TSNARE1: variants seen among roughly 807,000 people sequenced by gnomAD.
The protein encoded by TSNARE1 is t-SNARE domain-containing protein 1.
A neutral mutation model predicts 62.0 loss-of-function variants in TSNARE1; 49 were observed. The ratio of observed to expected loss-of-function variants is 0.79; its 90% CI spans 0.63 to 1.00. TSNARE1 has a LOEUF of 1.00. Among genes scored for constraint, TSNARE1 ranks in the 50% least tolerant of loss-of-function variants. TSNARE1 has a pLI of 0.00. For missense variants in TSNARE1, 755 were observed against 700.1 expected (o/e 1.08, Z -0.88); for synonymous variants, 328 against 294.4 (o/e 1.11, Z -1.17).
chr8:142,349,792 T>C (rs576299660), intron 2 of TSNARE1, among the ~76,000 whole-genome samples: 11 of 152,314 alleles, frequency 7.2e-5, no homozygotes, highest in African/African-American at 2.6e-4. Context: ...GCCGGAGGTC[T>C]CTTCTCACCT....
At chr8:142,297,225 G>T (rs996655761) in intron 10 of TSNARE1, among the ~76,000 whole-genome samples, 4 of 152,228 alleles carry the variant, frequency 2.6e-5, no homozygotes, top group African/African-American at 7.2e-5. Context: ...GGGATGCTGG[G>T]CGTGGCCATC....
At chr8:142,255,760 A>G (rs1375270553) in intron 12 of TSNARE1, among the ~76,000 whole-genome samples, 1 of 93,698 alleles carries the variant, frequency 1.1e-5, no homozygotes, top group Non-Finnish European at 2.5e-5. Flanking sequence ...CACCACCACC[A>G]TCACCATCAC....
At chr8:142,306,387 C>T (rs952635542) in intron 9 of TSNARE1, among the ~76,000 whole-genome samples, 1 of 152,212 alleles carries the variant, frequency 6.6e-6, no homozygotes, top group Non-Finnish European at 1.5e-5. Context: ...GCTGAGGTGG[C>T]CAGTGACGGC....
Position 142,319,464 on chromosome 8 carries a change from C to T in TSNARE1, c.894-830G>A, listed in dbSNP as rs1401896765. On this transcript the variant is annotated intron_variant, in intron 6 of 13. Coordinates refer to ENST00000524325, the MANE Select transcript of TSNARE1 (RefSeq NM_145003.5). This position sits in a 1 kb window ranked among gnomAD's most constrained non-coding sequence, Gnocchi z 4.9. ...CAACTGGGAAGACCAGCCCGTCTCC[C>T]GCTTGGGGTTCGCCACCCCCATCCC... is the stretch of plus-strand genomic sequence containing the variant. 1.3e-5 allele frequency among the ~76,000 whole-genome samples: 2 copies of T among 152,054 alleles called. No individual in the cohort carries two copies. The highest frequency in any genetic ancestry group is 2.4e-5 in the African/African-American group (1 of 41,416).
intron 7 of TSNARE1, among the ~76,000 whole-genome samples, chr8:142,318,200 G>A (rs1828888584): frequency 1.3e-5 from 2 of 152,192 alleles, no homozygotes. Flanking sequence ...GCACAGCAGG[G>A]GAGAGGATGG....
intron 13 of TSNARE1, among the ~76,000 whole-genome samples, chr8:142,228,827 G>A (rs1816955773): frequency 6.6e-6 from 1 of 152,232 alleles, no homozygotes; most frequent in Admixed American, 6.5e-5. Flanking sequence ...TGGGTGGATA[G>A]GTGATAGATG....
In TSNARE1 at chr8:142,317,002, A is replaced by G. The variant is rs576636376; in HGVS notation, c.984+1542T>C. On this transcript the variant is annotated intron_variant, in intron 7 of 13. Transcript: ENST00000524325. Reference sequence around the variant, plus strand: ...AGCAACTATGGGCAGCACCTACGGCAGGGACAGATTGGCGTCTCGCTCACA... The same window carrying G: ...AGCAACTATGGGCAGCACCTACGGCGGGGACAGATTGGCGTCTCGCTCACA... Among the ~76,000 whole-genome samples, 5 of 152,058 alleles carry G rather than the reference A, an allele frequency of 3.3e-5. 1 individual carries two copies. The East Asian group carries it at 7.8e-4, about 24-fold the overall frequency.
chr8:142,304,844 C>A (rs1826396697), intron 9 of TSNARE1, among the ~76,000 whole-genome samples: 1 of 152,192 alleles, frequency 6.6e-6, no homozygotes, highest in Non-Finnish European at 1.5e-5. Context: ...GGGGACATGG[C>A]CATACACGCC....
intron 1 of TSNARE1, among the ~76,000 whole-genome samples, chr8:142,396,624 G>C (rs1587154373): frequency 6.6e-6 from 1 of 152,364 alleles, no homozygotes; most frequent in Non-Finnish European, 1.5e-5. Flanking sequence ...GAGCAGCAGG[G>C]CAGGATCGCC....
intron 1 of TSNARE1, among the ~76,000 whole-genome samples, chr8:142,393,506 G>GATCTGTGT (rs914669532): frequency 2.0e-5 from 3 of 152,232 alleles, no homozygotes; most frequent in Non-Finnish European, 2.9e-5. Context: ...GAGTGCACAG[G>GATCTGTGT]ATCTGTGTAT....
intron 11 of TSNARE1, among the ~76,000 whole-genome samples, chr8:142,280,564 G>C (rs1821256412): frequency 6.6e-6 from 1 of 152,178 alleles, no homozygotes. Flanking sequence ...GACCACGTGT[G>C]GTGGGTCAGC....
At chr8:142,339,164 G>C (rs1832183240) in intron 4 of TSNARE1, among the ~76,000 whole-genome samples, 1 of 152,162 alleles carries the variant, frequency 6.6e-6, no homozygotes, top group Non-Finnish European at 1.5e-5. Flanking sequence ...AGCACCACTA[G>C]GGGTCCTCAA....
intron 8 of TSNARE1, among the ~76,000 whole-genome samples, chr8:142,314,799 T>C (rs1254895750): frequency 6.6e-6 from 1 of 152,192 alleles, no homozygotes; most frequent in Non-Finnish European, 1.5e-5. Context: ...CTCTTGAAGG[T>C]AAATGTCCTC....
chr8:142,255,578 C>T (rs796790077), intron 12 of TSNARE1, among the ~76,000 whole-genome samples: 148 of 13,584 alleles, frequency 0.011, 27 homozygotes, highest in Middle Eastern at 0.12. Context: ...ATCACCATCA[C>T]CACCACCACC....
intron 1 of TSNARE1, among the ~76,000 whole-genome samples, chr8:142,393,043 G>T (rs939164611): frequency 6.6e-6 from 1 of 151,804 alleles, no homozygotes; most frequent in Non-Finnish European, 1.5e-5. Context: ...TCTACTGGAT[G>T]CTTCCTGCCA....
intron 9 of TSNARE1, among the ~76,000 whole-genome samples, chr8:142,313,133 T>A (rs551857115): frequency 4.2e-4 from 64 of 152,330 alleles, no homozygotes; most frequent in African/African-American, 1.5e-3. Context: ...TCTGCATTTA[T>A]CTGCATGTGT....
At chr8:142,381,634 C>T (rs1169420150) in intron 1 of TSNARE1, among the ~76,000 whole-genome samples, 7 of 152,194 alleles carry the variant, frequency 4.6e-5, no homozygotes, top group Admixed American at 3.9e-4. Context: ...AGGAGAAGGG[C>T]AGCACCCAGG....
At chr8:142,224,121 T>C (rs1816667062) in intron 13 of TSNARE1, among the ~76,000 whole-genome samples, 1 of 152,200 alleles carries the variant, frequency 6.6e-6, no homozygotes, top group Admixed American at 6.5e-5. Flanking sequence ...GCCCAGATCC[T>C]TCATCTACAG....
At chr8:142,275,421 G>A (rs117466083) in intron 11 of TSNARE1, 49 of 985,206 alleles carry the variant, frequency 5.0e-5, no homozygotes, top group Admixed American at 6.1e-5. Flanking sequence ...GGGAAAAGCC[G>A]GGCTCGGTGG....
Sources: allele counts gnomAD v4.1 joint callset (sites outside exome capture counted in the v4.1 genomes callset), GRCh38; gene constraint gnomAD v4.1.1; non-coding constraint Gnocchi (gnomAD v3.1); transcripts MANE v1.5; gene names NCBI Gene and HGNC (gene_info 2026-07-23, HGNC 2026-07-21).